Variants in LMX1B observed in about 807,000 individuals in gnomAD.
LMX1B encodes LIM homeobox transcription factor 1 beta.
In LMX1B, 12 loss-of-function variants were observed where a neutral mutation model predicts 51.4. That is an observed-to-expected ratio of 0.23 (90% CI 0.15 to 0.38). The LOEUF is 0.38. Ranked by LOEUF, LMX1B falls within the 10% of genes least tolerant of loss-of-function variation. The pLI, the probability that LMX1B is intolerant of heterozygous loss-of-function variation, is 1.00. For missense variants in LMX1B, 445 were observed against 571.1 expected (o/e 0.78, Z 2.25); for synonymous variants, 237 against 235.4 (o/e 1.01, Z -0.06).
At chr9:126,683,031 C>G (rs1316594599) in intron 2 of LMX1B, among the ~76,000 whole-genome samples, 1 of 151,672 alleles carries the variant, frequency 6.6e-6, no homozygotes. Flanking sequence ...GTCCCTGGCC[C>G]GTGACCTCCA....
chr9:126,666,966 C>T (rs1469538943), intron 2 of LMX1B, among the ~76,000 whole-genome samples: 1 of 152,234 alleles, frequency 6.6e-6, no homozygotes, highest in African/African-American at 2.4e-5. Context: ...GGCGAAATGA[C>T]AAATCGGTCT....
At chr9:126,630,878 T>G (rs950494851) in intron 2 of LMX1B, among the ~76,000 whole-genome samples, 1 of 152,238 alleles carries the variant, frequency 6.6e-6, no homozygotes, top group African/African-American at 2.4e-5. Context: ...ACCCCTGCAG[T>G]GCCTTCCTGG....
At chr9:126,617,550 G>A (rs1043108315) in intron 2 of LMX1B, among the ~76,000 whole-genome samples, 4 of 151,580 alleles carry the variant, frequency 2.6e-5, no homozygotes, top group Non-Finnish European at 4.4e-5. Flanking sequence ...GTAAAGTCAC[G>A]AAATTTCAGC....
chr9:126,694,049 A>G (rs2030244743), intron 6 of LMX1B, among the ~76,000 whole-genome samples: 1 of 152,204 alleles, frequency 6.6e-6, no homozygotes, highest in Non-Finnish European at 1.5e-5. Flanking sequence ...CTTCTGCTTT[A>G]AAACCACTGA....
intron 2 of LMX1B, among the ~76,000 whole-genome samples, chr9:126,633,514 C>T (rs895282085): frequency 6.6e-6 from 1 of 152,178 alleles, no homozygotes; most frequent in Non-Finnish European, 1.5e-5. Context: ...TGGGAGGACA[C>T]CTGGCCAATC....
rs774838013 is a variant in LMX1B at position 126,671,159 on chromosome 9, G to C, written c.327-19677G>C. ...ATGCCCAGCTCACCAGCCGTTGGCA[G>C]GAATTCAATCCCACCCCAGTAAACC... On this transcript the variant is annotated intron_variant, in intron 2 of 7. Transcript: ENST00000373474. The surrounding 1 kb of genome is among the most constrained non-coding windows in gnomAD (Gnocchi z 4.4). 3.4e-4 allele frequency among the ~76,000 whole-genome samples: 52 copies of C among 152,190 alleles called. No homozygotes were observed. The highest frequency in any genetic ancestry group is 6.2e-4 in the Non-Finnish European group (42 of 68,032).
chr9:126,615,350 C>CT lies in LMX1B; in HGVS notation c.140-32dup. 1 of 1,510,834 alleles carries CT rather than the reference C, an allele frequency of 6.6e-7. No homozygotes were observed. The highest frequency in any genetic ancestry group is 8.8e-7 in the Non-Finnish European group (1 of 1,133,704). 93.6% of individuals were successfully genotyped at this position (1,510,834 alleles called of 1,614,324 possible). A position where few individuals can be genotyped will look rare whatever the true frequency, so the allele number is the denominator to read the frequency against. ...GACGCCGGGGCTGGGCCGGGCGGCG[C>CT]TGACGGCCGGGCTTTCGCCCTGTGC... On this transcript the variant is annotated intron_variant, in intron 1 of 7. Coordinates refer to ENST00000373474, the MANE Select transcript of LMX1B (RefSeq NM_001174147.2). The surrounding 1 kb of genome is among the most constrained non-coding windows in gnomAD (Gnocchi z 6.0).
In LMX1B at chr9:126,615,389, A is replaced by G; in HGVS notation, c.146A>G (p.Asp49Gly). The change falls in exon 2 of 8, where the codon GAC becomes GGC. Residue 49 changes from aspartate (D) to glycine (G), a missense_variant. Asp to Gly is a moderately conservative substitution (Grantham distance 94). Coordinates refer to ENST00000373474, the MANE Select transcript of LMX1B (RefSeq NM_001174147.2). The surrounding 1 kb of genome is among the most constrained non-coding windows in gnomAD (Gnocchi z 6.0). ...PATLGVLLGSDCPHPAVCEGC... is the reference protein window; with the variant it reads ...PATLGVLLGSGCPHPAVCEGC... The stretch of plus-strand genomic sequence containing the variant: ...TTCGCCCTGTGCGCTACAGGCTCCG[A>G]CTGCCCGCATCCCGCCGTCTGCGAG... 1.3e-6 allele frequency: 2 copies of G among 1,598,410 alleles called. No homozygotes were observed. The highest frequency in any genetic ancestry group is 1.7e-6 in the Non-Finnish European group (2 of 1,174,624).
At chr9:126,693,051 T>C in intron 3 of LMX1B, 91 bp from the exon 4 acceptor site, 1 of 1,342,704 alleles carries the variant, frequency 7.4e-7, no homozygotes, top group Non-Finnish European at 1.0e-6. Context: ...GGGGACAGGC[T>C]CCCATCGGGC....
In LMX1B at chr9:126,695,793, G is replaced by A. The variant is rs751145530; in HGVS notation, c.887-46G>A. The A allele has an allele frequency of 1.2e-6, 2 of 1,605,856 alleles. No individual in the cohort carries two copies. Among genetic ancestry groups the A allele is most frequent in the African/African-American group, 1.3e-5 (1 of 74,826 alleles). Reference sequence around the variant, plus strand: ...GGGGAGGCTGCTGGGGTGTAGCTGGGAGGGCGTGGACCAGGCCAGGGGGTG... The same window carrying A: ...GGGGAGGCTGCTGGGGTGTAGCTGGAAGGGCGTGGACCAGGCCAGGGGGTG... On this transcript the variant is annotated intron_variant, in intron 6 of 7. Transcript: ENST00000373474. This position sits in a 1 kb window ranked among gnomAD's most constrained non-coding sequence, Gnocchi z 5.2.
chr9:126,616,857 G>T (rs1228142238), intron 2 of LMX1B, among the ~76,000 whole-genome samples: 1 of 152,236 alleles, frequency 6.6e-6, no homozygotes, highest in Admixed American at 6.5e-5. Context: ...CTCTGGCTGT[G>T]CCTGGTGGTC....
At chr9:126,675,068 T>C (rs944686788) in intron 2 of LMX1B, among the ~76,000 whole-genome samples, 17 of 151,968 alleles carry the variant, frequency 1.1e-4, no homozygotes, top group African/African-American at 3.9e-4. Context: ...CGTAGAGTCA[T>C]CTCCAGTCAT....
chr9:126,681,688 G>A (rs1836675347), intron 2 of LMX1B, among the ~76,000 whole-genome samples: 1 of 152,062 alleles, frequency 6.6e-6, no homozygotes, highest in African/African-American at 2.4e-5. Flanking sequence ...ATAATTTGAG[G>A]TTAGGAGTTC....
chr9:126,699,467 G>C lies in LMX1B; in HGVS notation c.*3016G>C, dbSNP rs1386374827. 6.6e-6 allele frequency: 1 copy of C among 152,252 alleles called. No homozygotes were observed. The highest frequency in any genetic ancestry group is 1.9e-4 in the East Asian group (1 of 5,190). The allele number at this position is 152,252 out of a possible 1,614,324, so 9.4% of individuals were successfully genotyped here. A position where few individuals can be genotyped will look rare whatever the true frequency, so the allele number is the denominator to read the frequency against. On this transcript the variant is annotated 3_prime_UTR_variant, in exon 8 of 8. Coordinates refer to ENST00000373474, the MANE Select transcript of LMX1B (RefSeq NM_001174147.2). Reference sequence around the variant, plus strand: ...AGGGACAGCATGCTTGTGACCCACAGACTGTTAAAGCCAGAAGGGACCTCA... The same window carrying C: ...AGGGACAGCATGCTTGTGACCCACACACTGTTAAAGCCAGAAGGGACCTCA...
chr9:126,657,794 G>A (rs982440801), intron 2 of LMX1B, among the ~76,000 whole-genome samples: 2 of 152,210 alleles, frequency 1.3e-5, no homozygotes, highest in East Asian at 1.9e-4. Context: ...TCAAGGAACC[G>A]CAGGGAGCTC....
At chr9:126,617,868 A>G (rs542729489) in intron 2 of LMX1B, among the ~76,000 whole-genome samples, 1 of 119,338 alleles carries the variant, frequency 8.4e-6, no homozygotes, top group African/African-American at 3.3e-5. Flanking sequence ...AATAACGCCA[A>G]TTAGGTATCT....
Position 126,695,706 on chromosome 9 carries a change from A to G in LMX1B, c.887-133A>G. On this transcript the variant is annotated intron_variant, in intron 6 of 7. Transcript: ENST00000373474. The surrounding 1 kb of genome is among the most constrained non-coding windows in gnomAD (Gnocchi z 5.2). ...TGTGCACCTGGGGAAGGGGCTGGGG[A>G]GTCAGTGTCTGGACAGCTTCAGCCA... The G allele has an allele frequency of 3.2e-6, 3 of 932,848 alleles. No homozygotes were observed. The highest frequency in any genetic ancestry group is 3.3e-6 in the Non-Finnish European group (2 of 602,242). The allele number at this position is 932,848 out of a possible 1,614,324, so 57.8% of individuals were successfully genotyped here. A position where few individuals can be genotyped will look rare whatever the true frequency, so the allele number is the denominator to read the frequency against.
chr9:126,648,077 G>A (rs1041730985), intron 2 of LMX1B, among the ~76,000 whole-genome samples: 2 of 152,180 alleles, frequency 1.3e-5, no homozygotes, highest in East Asian at 1.9e-4. Context: ...TTTTCAGCAC[G>A]TTGTGAAATT....
intron 3 of LMX1B, 150 bp downstream of exon 3, chr9:126,691,218 C>T (rs2030118569): frequency 3.2e-6 from 2 of 631,410 alleles, no homozygotes; most frequent in Admixed American, 5.2e-5. Context: ...CACACGCGCA[C>T]TGACGTGTCC....
Sources: allele counts gnomAD v4.1 joint callset (sites outside exome capture counted in the v4.1 genomes callset), GRCh38; gene constraint gnomAD v4.1.1; non-coding constraint Gnocchi (gnomAD v3.1); transcripts MANE v1.5; gene names NCBI Gene and HGNC (gene_info 2026-07-23, HGNC 2026-07-21).